Variants in DSCAML1 observed in about 807,000 individuals in gnomAD.
The protein encoded by DSCAML1 is DS cell adhesion molecule like 1.
Under a neutral mutation model 200.5 loss-of-function variants are expected in DSCAML1, and 38 were observed. That is an observed-to-expected ratio of 0.19 (90% confidence interval 0.15 to 0.25). The LOEUF (loss-of-function observed/expected upper bound fraction) is 0.25. Ranked by LOEUF, DSCAML1 falls within the 10% of genes least tolerant of loss-of-function variation. DSCAML1 has a pLI of 1.00. For missense variants in DSCAML1, 2,223 were observed against 2,858.8 expected (o/e 0.78, Z 5.07); for synonymous variants, 1,215 against 1,165.0 (o/e 1.04, Z -0.87).
intron 17 of DSCAML1, 82 bp downstream of exon 17, chr11:117,464,860 G>T (rs1169871966): frequency 5.8e-6 from 9 of 1,559,134 alleles, no homozygotes; most frequent in Non-Finnish European, 7.8e-6. Flanking sequence ...GGCAAACAGA[G>T]GGACCCACAA....
intron 3 of DSCAML1, among the ~76,000 whole-genome samples, chr11:117,675,942 C>G (rs1252542932): frequency 2.0e-5 from 3 of 152,134 alleles, no homozygotes; most frequent in Non-Finnish European, 4.4e-5. Flanking sequence ...GGTCCCCACT[C>G]CAGGGCTGGC....
chr11:117,811,687 C>A (rs2134090453), intron 1 of DSCAML1, among the ~76,000 whole-genome samples: 1 of 152,280 alleles, frequency 6.6e-6, no homozygotes, highest in African/African-American at 2.4e-5. Flanking sequence ...CTCCCAGAGC[C>A]CCTGGAACTC....
intron 15 of DSCAML1, among the ~76,000 whole-genome samples, chr11:117,470,222 A>G (rs2048657136): frequency 6.6e-6 from 1 of 152,200 alleles, no homozygotes; most frequent in Non-Finnish European, 1.5e-5. Context: ...GTACTACTGT[A>G]CATTCAGTAG....
chr11:117,435,476 A>C (rs904912645), intron 27 of DSCAML1, among the ~76,000 whole-genome samples, 168 bp downstream of exon 27: 5 of 152,226 alleles, frequency 3.3e-5, no homozygotes, highest in African/African-American at 1.2e-4. Context: ...TGGTGAACGA[A>C]ACCTTCTGAA....
intron 3 of DSCAML1, among the ~76,000 whole-genome samples, chr11:117,775,168 C>T (rs1347140072): frequency 6.6e-6 from 1 of 152,190 alleles, no homozygotes; most frequent in Non-Finnish European, 1.5e-5. Context: ...CTGCTCCTCA[C>T]CAGCCCATGG....
intron 3 of DSCAML1, among the ~76,000 whole-genome samples, chr11:117,548,650 T>TC (rs1029360893): frequency 6.6e-6 from 1 of 152,096 alleles, no homozygotes; most frequent in Non-Finnish European, 1.5e-5. Flanking sequence ...CCTCTGAACC[T>TC]CCCCATAACA....
Position 117,614,081 on chromosome 11 carries a change from A to G in DSCAML1, c.512-81559T>C, listed in dbSNP as rs114641052. Among the ~76,000 whole-genome samples, 1,080 of 152,224 alleles carry G rather than the reference A, an allele frequency of 7.1e-3. 20 individuals are homozygous for G. Among genetic ancestry groups the G allele is most frequent in the African/African-American group, 0.024 (1,009 of 41,518 alleles). ...GGGAGGAAAGGGGCTACAGGGAAGA[A>G]AAGCCACTAAGCTGCCCTGGAGAGA... On this transcript the variant is annotated intron_variant, in intron 3 of 32. Coordinates refer to ENST00000651296, the MANE Select transcript of DSCAML1 (RefSeq NM_020693.4).
intron 3 of DSCAML1, among the ~76,000 whole-genome samples, chr11:117,559,449 C>G (rs66657611): frequency 6.6e-6 from 1 of 152,142 alleles, no homozygotes; most frequent in African/African-American, 2.4e-5. Flanking sequence ...TTCAATATAT[C>G]TCACCTTTTT....
At chr11:117,627,416 G>T (rs905967686) in intron 3 of DSCAML1, among the ~76,000 whole-genome samples, 4 of 152,116 alleles carry the variant, frequency 2.6e-5, no homozygotes, top group Admixed American at 2.6e-4. Context: ...TGATTTCCAG[G>T]GCTTTGACTG....
At position 117,482,510 on chromosome 11, in the gene DSCAML1, A is replaced by G. The variant is rs549574588; in HGVS notation, c.2360-348T>C. Among the ~76,000 whole-genome samples the G allele has an allele frequency of 4.0e-4, 61 of 152,324 alleles. 1 individual carries two copies. Among genetic ancestry groups the G allele is most frequent in the African/African-American group, 1.4e-3 (58 of 41,562 alleles). On this transcript the variant is annotated intron_variant, in intron 11 of 32. Coordinates refer to ENST00000651296, the MANE Select transcript of DSCAML1 (RefSeq NM_020693.4). ...TGAACAAGCAAACCTTCGATATCGTATATCACCTATCAGTATGTGTTCTTT... is the reference window on the plus strand; with the variant it reads ...TGAACAAGCAAACCTTCGATATCGTGTATCACCTATCAGTATGTGTTCTTT...
At chr11:117,456,500 C>A (rs10790189) in intron 19 of DSCAML1, among the ~76,000 whole-genome samples, 83,362 of 151,688 alleles carry the variant, frequency 0.55, 23,072 homozygotes, top group African/African-American at 0.6. Context: ...ACTCTGAAGG[C>A]CTCAGTTTTC....
At chr11:117,550,219 T>C (rs532130735) in intron 3 of DSCAML1, among the ~76,000 whole-genome samples, 3 of 152,372 alleles carry the variant, frequency 2.0e-5, no homozygotes, top group South Asian at 4.1e-4. Context: ...TAGTGCTAGA[T>C]ACTTTACATG....
chr11:117,429,649 C>G (rs1026125566), intron 32 of DSCAML1, among the ~76,000 whole-genome samples: 1 of 152,226 alleles, frequency 6.6e-6, no homozygotes, highest in Non-Finnish European at 1.5e-5. Context: ...GCTGGGATTA[C>G]AGGCATGAGC....
rs763374039 is a variant in DSCAML1 at position 117,458,941 on chromosome 11, G to A, written c.3413-32C>T. The A allele has an allele frequency of 7.5e-6, 12 of 1,602,266 alleles. No individual in the cohort carries two copies. In the Admixed American group the frequency reaches 1.5e-4, roughly 20 times the overall value. On this transcript the variant is annotated intron_variant, in intron 18 of 32. Transcript: ENST00000651296. ...GAGACCAGCAAACTCTGAGGACCCA[G>A]CTCCATCGGGCTGTGGCCCCTGCTG...
chr11:117,775,802 A>G (rs560738027), intron 3 of DSCAML1, among the ~76,000 whole-genome samples: 3 of 152,116 alleles, frequency 2.0e-5, no homozygotes, highest in South Asian at 2.1e-4. Context: ...CAGGCTTAAG[A>G]ACCCCTGCTT....
intron 3 of DSCAML1, among the ~76,000 whole-genome samples, chr11:117,663,462 A>G (rs1484015377): frequency 6.6e-6 from 1 of 152,060 alleles, no homozygotes; most frequent in African/African-American, 2.4e-5. Flanking sequence ...CACGTGCTGG[A>G]CTGAGAAAGT....
intron 3 of DSCAML1, among the ~76,000 whole-genome samples, chr11:117,571,548 C>A (rs1400358146): frequency 3.3e-5 from 5 of 152,162 alleles, no homozygotes; most frequent in Admixed American, 2.0e-4. Flanking sequence ...GGGGAAGAAC[C>A]TGCCCTGGAG....
At chr11:117,637,855 G>A (rs1232294536) in intron 3 of DSCAML1, among the ~76,000 whole-genome samples, 1 of 152,186 alleles carries the variant, frequency 6.6e-6, no homozygotes, top group African/African-American at 2.4e-5. Flanking sequence ...TCCATTCAAA[G>A]GGTAATGACT....
chr11:117,574,644 G>A lies in DSCAML1; in HGVS notation c.512-42122C>T, dbSNP rs1472397370. On this transcript the variant is annotated intron_variant, in intron 3 of 32. Coordinates refer to ENST00000651296, the MANE Select transcript of DSCAML1 (RefSeq NM_020693.4). ...TCCAAGTGTGTGGGCCCCTGAGCCT[G>A]GCACTCCCTACCTCTCAAGGGCAGA... 2.6e-5 allele frequency among the ~76,000 whole-genome samples: 4 copies of A among 152,260 alleles called. No individual in the cohort carries two copies. The South Asian group carries it at 8.3e-4, about 32-fold the overall frequency.
Sources: allele counts gnomAD v4.1 joint callset (sites outside exome capture counted in the v4.1 genomes callset), GRCh38; gene constraint gnomAD v4.1.1; transcripts MANE v1.5; gene names NCBI Gene and HGNC (gene_info 2026-07-23, HGNC 2026-07-21).